The following RSPO3 variants were observed in gnomAD, a reference collection of about 807,000 sequenced individuals.
RSPO3 encodes R-spondin 3.
A neutral mutation model predicts 36.5 loss-of-function variants in RSPO3; 17 were observed. The ratio of observed to expected loss-of-function variants is 0.47; its 90% CI spans 0.32 to 0.70. RSPO3 has a LOEUF of 0.70. RSPO3 is among the 30% of genes least tolerant of loss of function. RSPO3 has a pLI of 0.04. For missense variants in RSPO3, 294 were observed against 322.5 expected (o/e 0.91, Z 0.68); for synonymous variants, 108 against 107.0 (o/e 1.01, Z -0.06).
At chr6:127,136,884 C>A (rs557862092) in intron 1 of RSPO3, among the ~76,000 whole-genome samples, 1 of 152,122 alleles carries the variant, frequency 6.6e-6, no homozygotes, top group Non-Finnish European at 1.5e-5. Flanking sequence ...TACTAGCTGA[C>A]AATGTGAACT....
intron 1 of RSPO3, among the ~76,000 whole-genome samples, chr6:127,124,068 T>C (rs978179722): frequency 1.3e-5 from 2 of 152,100 alleles, no homozygotes; most frequent in African/African-American, 4.8e-5. Flanking sequence ...TTGAATCCTA[T>C]GCAATGTTGG....
intron 2 of RSPO3, among the ~76,000 whole-genome samples, chr6:127,149,354 A>G (rs1774445280): frequency 6.6e-6 from 1 of 152,028 alleles, no homozygotes; most frequent in Non-Finnish European, 1.5e-5. Flanking sequence ...CTATTCAAAT[A>G]CCATATGTAG....
At chr6:127,182,076 G>T (rs1161265556) in intron 4 of RSPO3, among the ~76,000 whole-genome samples, 1 of 151,918 alleles carries the variant, frequency 6.6e-6, no homozygotes, top group African/African-American at 2.4e-5. Flanking sequence ...GAGAGAGTGT[G>T]TGAGAGAATG....
At chr6:127,166,909 T>C (rs1174352299) in intron 4 of RSPO3, among the ~76,000 whole-genome samples, 5 of 151,988 alleles carry the variant, frequency 3.3e-5, no homozygotes, top group East Asian at 1.9e-4. Flanking sequence ...TAGAGCCTAT[T>C]TGAATTTCCA....
Position 127,196,251 on chromosome 6 carries a change from A to G in RSPO3, c.*244A>G, listed in dbSNP as rs1346503041. On this transcript the variant is annotated 3_prime_UTR_variant, in exon 5 of 5. Coordinates refer to ENST00000356698, the MANE Select transcript of RSPO3 (RefSeq NM_032784.5). ...TCTCTGCATTTTTAAAAGACAAGAC[A>G]TTCTTGTACATATTATCAATAGGCT... 2 of 284,566 alleles carry G rather than the reference A, an allele frequency of 7.0e-6. No individual in the cohort carries two copies. Among genetic ancestry groups the G allele is most frequent in the East Asian group, 1.1e-4 (2 of 18,414 alleles). The allele number at this position is 284,566 out of a possible 1,614,324, so 17.6% of individuals were successfully genotyped here. A position where few individuals can be genotyped will look rare whatever the true frequency, so the allele number is the denominator to read the frequency against.
chr6:127,197,192 A>C lies in RSPO3; in HGVS notation c.*1185A>C, dbSNP rs1475946509. On this transcript the variant is annotated 3_prime_UTR_variant, in exon 5 of 5. Transcript: ENST00000356698. Reference sequence around the variant, plus strand: ...TTTCTCAGTAATATTTGTTTTTTGAATCCACCTTTATCTGAGCCAATGGAG... The same window carrying C: ...TTTCTCAGTAATATTTGTTTTTTGACTCCACCTTTATCTGAGCCAATGGAG... 8.7e-6 allele frequency: 4 copies of C among 459,486 alleles called. No individual in the cohort carries two copies. Among genetic ancestry groups the C allele is most frequent in the Non-Finnish European group, 1.5e-5 (4 of 263,270 alleles). The allele number at this position is 459,486 out of a possible 1,614,324, so 28.5% of individuals were successfully genotyped here.
At chr6:127,177,821 G>A (rs1582810390) in intron 4 of RSPO3, among the ~76,000 whole-genome samples, 3 of 151,638 alleles carry the variant, frequency 2.0e-5, no homozygotes, top group Admixed American at 2.0e-4. Context: ...AGTCGTAAAT[G>A]CTCTTCAGGG....
chr6:127,150,245 C>T (rs1774464713), intron 2 of RSPO3, among the ~76,000 whole-genome samples, 181 bp from the exon 3 acceptor site: 1 of 151,036 alleles, frequency 6.6e-6, no homozygotes, highest in African/African-American at 2.4e-5. Context: ...AAATCAATAA[C>T]CAATGTACCT....
At chr6:127,155,828 C>T (rs1774584894) in intron 4 of RSPO3, among the ~76,000 whole-genome samples, 1 of 151,738 alleles carries the variant, frequency 6.6e-6, no homozygotes, top group East Asian at 1.9e-4. Flanking sequence ...TCCTCACTGC[C>T]TGCAAACCAA....
In RSPO3 at chr6:127,119,205, C is replaced by A; in HGVS notation, c.13C>A (p.Leu5Met). The stretch of plus-strand genomic sequence containing the variant: ...TTACTGGGTTACTATGCACTTGCGA[C>A]TGATTTCTTGGCTTTTTATCATTTT... Reference protein sequence around the residue: MHLRLISWLFIILNF... With the variant: MHLRMISWLFIILNF... Residue 5 changes from leucine to methionine, a missense_variant, in exon 1 of 5, where the codon CTG becomes ATG. Physicochemically the swap from Leu to Met is conservative, Grantham distance 15 (BLOSUM62 2). Coordinates refer to ENST00000356698, the MANE Select transcript of RSPO3 (RefSeq NM_032784.5). The A allele has an allele frequency of 6.2e-7, 1 of 1,613,164 alleles. No individual in the cohort carries two copies.
intron 1 of RSPO3, among the ~76,000 whole-genome samples, chr6:127,145,995 G>A (rs1246580272): frequency 2.6e-5 from 4 of 152,050 alleles, no homozygotes; most frequent in Non-Finnish European, 4.4e-5. Context: ...AATACTGACT[G>A]TGTAATTTGT....
chr6:127,179,066 G>T (rs1357847413), intron 4 of RSPO3, among the ~76,000 whole-genome samples: 1 of 151,842 alleles, frequency 6.6e-6, no homozygotes, highest in Non-Finnish European at 1.5e-5. Flanking sequence ...TCTTGCAGAT[G>T]ATATAGTCCA....
chr6:127,175,254 T>G (rs932021230), intron 4 of RSPO3, among the ~76,000 whole-genome samples: 1 of 151,778 alleles, frequency 6.6e-6, no homozygotes, highest in Non-Finnish European at 1.5e-5. Flanking sequence ...TTTTGGTTAT[T>G]TGTCTAACTT....
intron 4 of RSPO3, among the ~76,000 whole-genome samples, chr6:127,164,559 G>C (rs1373808431): frequency 6.6e-6 from 1 of 151,704 alleles, no homozygotes; most frequent in East Asian, 1.9e-4. Flanking sequence ...GGAGTAAACT[G>C]GCTTTAAATG....
chr6:127,150,166 G>GATATATATATATATAT (rs768162516), intron 2 of RSPO3, among the ~76,000 whole-genome samples: 1 of 139,466 alleles, frequency 7.2e-6, no homozygotes, highest in African/African-American at 2.6e-5. Flanking sequence ...TATTCTTGGA[G>GATATATATATATATAT]ATATATATAT....
chr6:127,123,780 G>C (rs62438469), intron 1 of RSPO3, among the ~76,000 whole-genome samples: 2 of 151,940 alleles, frequency 1.3e-5, no homozygotes, highest in African/African-American at 4.8e-5. Flanking sequence ...AAATAGATAA[G>C]CTTTACTAAG....
intron 1 of RSPO3, among the ~76,000 whole-genome samples, chr6:127,137,950 A>G (rs1774193881): frequency 6.6e-6 from 1 of 152,232 alleles, no homozygotes; most frequent in East Asian, 1.9e-4. Context: ...ATCAGTACCT[A>G]GAAGACTGCT....
intron 4 of RSPO3, among the ~76,000 whole-genome samples, chr6:127,186,267 A>AGCACAAATGAATGAGCTGGG (rs1775292654): frequency 1.3e-5 from 2 of 152,166 alleles, no homozygotes; most frequent in Admixed American, 6.6e-5. Context: ...ATGTATTTTA[A>AGCACAAATGAATGAGCTGGG]GCACAAATGA....
At chr6:127,172,690 A>C (rs1774964162) in intron 4 of RSPO3, among the ~76,000 whole-genome samples, 1 of 151,782 alleles carries the variant, frequency 6.6e-6, no homozygotes, top group Non-Finnish European at 1.5e-5. Flanking sequence ...ATTTAATAAT[A>C]ATATTATTTG....
Sources: gnomAD v4.1 joint callset for allele counts (sites outside exome capture counted in the v4.1 genomes callset) on GRCh38, gnomAD v4.1.1 for gene constraint, MANE v1.5 for transcripts, NCBI Gene and HGNC (gene_info 2026-07-23, HGNC 2026-07-21) for gene names.